SPOCK1: variants seen among roughly 807,000 people sequenced by gnomAD.
SPOCK1 encodes the protein SPARC (osteonectin), cwcv and kazal like domains proteoglycan 1, also known as testican-1.
SPOCK1 carries 23 observed loss-of-function variants against 55.3 expected under a neutral mutation model. That is an observed-to-expected ratio of 0.42 (90% CI 0.30 to 0.59). The LOEUF is 0.59. Among genes scored for constraint, SPOCK1 ranks in the 20% least tolerant of loss-of-function variants. SPOCK1 has a pLI of 0.22. For synonymous variants in SPOCK1, 226 were observed against 221.0 expected, an observed-to-expected ratio of 1.02 and a Z score of -0.20; for missense variants, 499 against 552.5, an observed-to-expected ratio of 0.90 and a Z score of 0.97.
chr5:137,007,549 C>T (rs1034092953), intron 6 of SPOCK1, among the ~76,000 whole-genome samples: 1 of 152,206 alleles, frequency 6.6e-6, no homozygotes, highest in Non-Finnish European at 1.5e-5. Context: ...AGCTCATCAT[C>T]ACTGGTCATT....
At chr5:137,393,101 A>G (rs895943296) in intron 2 of SPOCK1, among the ~76,000 whole-genome samples, 2 of 152,168 alleles carry the variant, frequency 1.3e-5, no homozygotes, top group East Asian at 3.9e-4. Flanking sequence ...ATCTATAGAC[A>G]CATGATAGAA....
intron 2 of SPOCK1, among the ~76,000 whole-genome samples, chr5:137,307,169 C>G (rs573169188): frequency 7.2e-5 from 11 of 152,340 alleles, no homozygotes; most frequent in South Asian, 6.2e-4. Context: ...TTTCCACACA[C>G]TAGGAGATAA....
intron 2 of SPOCK1, among the ~76,000 whole-genome samples, chr5:137,292,274 G>C (rs1757383268): frequency 6.6e-6 from 1 of 151,956 alleles, no homozygotes; most frequent in Non-Finnish European, 1.5e-5. Flanking sequence ...CAGACTAAAG[G>C]GGGTGAAGCT....
At chr5:137,204,592 C>T (rs1283582719) in intron 3 of SPOCK1, among the ~76,000 whole-genome samples, 1 of 151,880 alleles carries the variant, frequency 6.6e-6, no homozygotes, top group Admixed American at 6.5e-5. Flanking sequence ...CTAAAACATA[C>T]TCCCAAGACT....
At chr5:136,982,616 T>C (rs1347730303) in intron 9 of SPOCK1, among the ~76,000 whole-genome samples, 1 of 152,206 alleles carries the variant, frequency 6.6e-6, no homozygotes, top group African/African-American at 2.4e-5. Flanking sequence ...GATTTTTTTT[T>C]TCATGAACAA....
intron 3 of SPOCK1, among the ~76,000 whole-genome samples, chr5:137,240,820 G>A (rs1465264331): frequency 5.3e-5 from 8 of 152,104 alleles, no homozygotes; most frequent in African/African-American, 1.2e-4. Flanking sequence ...TAACATTATC[G>A]AACAATGATT....
intron 6 of SPOCK1, among the ~76,000 whole-genome samples, chr5:137,024,464 T>G (rs1048341969): frequency 6.6e-6 from 1 of 152,086 alleles, no homozygotes; most frequent in Non-Finnish European, 1.5e-5. Context: ...ATTGAAATAT[T>G]TAAAGTAATA....
intron 2 of SPOCK1, among the ~76,000 whole-genome samples, chr5:137,455,823 G>A (rs2149835991): frequency 6.6e-6 from 1 of 152,102 alleles, no homozygotes; most frequent in Middle Eastern, 3.4e-3. Context: ...GAGCCCAAAA[G>A]TTCTAGACCA....
intron 2 of SPOCK1, among the ~76,000 whole-genome samples, chr5:137,471,428 T>C (rs558538157): frequency 1.3e-5 from 2 of 152,352 alleles, no homozygotes; most frequent in South Asian, 2.1e-4. Flanking sequence ...TGATGGCACC[T>C]ACTTCATTCA....
intron 2 of SPOCK1, among the ~76,000 whole-genome samples, chr5:137,353,338 A>G (rs1750722516): frequency 6.6e-6 from 1 of 152,218 alleles, no homozygotes; most frequent in South Asian, 2.1e-4. Flanking sequence ...CAGAGATCAC[A>G]TAACTGCACT....
intron 8 of SPOCK1, among the ~76,000 whole-genome samples, chr5:136,988,138 T>A (rs1163827367): frequency 2.6e-5 from 4 of 152,230 alleles, no homozygotes; most frequent in African/African-American, 9.6e-5. Flanking sequence ...AAGGTTTCTA[T>A]ACCCATTGTA....
chr5:137,166,253 G>C (rs1222672113), intron 3 of SPOCK1, among the ~76,000 whole-genome samples: 1 of 152,112 alleles, frequency 6.6e-6, no homozygotes, highest in Non-Finnish European at 1.5e-5. Flanking sequence ...GGCCAGGAGA[G>C]AATGGCATGA....
chr5:137,459,866 G>T (rs776405825), intron 2 of SPOCK1, among the ~76,000 whole-genome samples: 1 of 151,846 alleles, frequency 6.6e-6, no homozygotes, highest in Non-Finnish European at 1.5e-5. Context: ...GCCCAGAGGG[G>T]CAGGTTTGGA....
chr5:137,305,849 G>C (rs537792732), intron 2 of SPOCK1, among the ~76,000 whole-genome samples: 2 of 152,188 alleles, frequency 1.3e-5, no homozygotes, highest in Admixed American at 6.5e-5. Context: ...CCAAGATCTC[G>C]GAGCAGGCCC....
chr5:137,323,663 T>TA (rs1758020806), intron 2 of SPOCK1, among the ~76,000 whole-genome samples: 2 of 152,142 alleles, frequency 1.3e-5, no homozygotes, highest in Admixed American at 1.3e-4. Context: ...ATGGGTATTT[T>TA]AAAAAACTGA....
At chr5:137,106,648 C>T (rs1753375277) in intron 5 of SPOCK1, among the ~76,000 whole-genome samples, 1 of 152,172 alleles carries the variant, frequency 6.6e-6, no homozygotes, top group South Asian at 2.1e-4. Context: ...AGGCCTCCCT[C>T]ACACCAGGCC....
At chr5:137,289,295 C>T (rs1426002348) in intron 2 of SPOCK1, among the ~76,000 whole-genome samples, 1 of 152,080 alleles carries the variant, frequency 6.6e-6, no homozygotes, top group Non-Finnish European at 1.5e-5. Context: ...AAGGCCTGCT[C>T]ATCATATAAC....
intron 6 of SPOCK1, among the ~76,000 whole-genome samples, chr5:137,022,675 G>A (rs1006079639): frequency 1.3e-5 from 2 of 152,140 alleles, no homozygotes; most frequent in African/African-American, 2.4e-5. Context: ...AAAAAGTGTC[G>A]ATTTATATCA....
intron 2 of SPOCK1, among the ~76,000 whole-genome samples, chr5:137,455,219 C>T (rs1753338718): frequency 6.6e-6 from 1 of 152,152 alleles, no homozygotes; most frequent in Admixed American, 6.5e-5. Context: ...GAGCATGTTT[C>T]CTTGATGGAT....
Sources: gnomAD v4.1 joint callset for allele counts (sites outside exome capture counted in the v4.1 genomes callset) on GRCh38, gnomAD v4.1.1 for gene constraint, MANE v1.5 for transcripts, NCBI Gene and HGNC (gene_info 2026-07-23, HGNC 2026-07-21) for gene names.